MARCHF11: variants seen among roughly 807,000 people sequenced by gnomAD.
MARCHF11 encodes membrane associated ring-CH-type finger 11.
A neutral mutation model predicts 37.3 loss-of-function variants in MARCHF11; 29 were observed. The observed-to-expected ratio is 0.78, with a 90% CI of 0.58 to 1.06. The LOEUF is 1.06. Ranked by LOEUF, MARCHF11 falls within the 50% of genes least tolerant of loss-of-function variation. The pLI, the probability that MARCHF11 is intolerant of heterozygous loss-of-function variation, is 0.00. For missense variants in MARCHF11, 482 were observed against 533.4 expected, an observed-to-expected ratio of 0.90 and a Z score of 0.95; for synonymous variants, 233 against 228.0, an observed-to-expected ratio of 1.02 and a Z score of -0.20.
chr5:16,071,991 G>A (rs892439612), intron 3 of MARCHF11, among the ~76,000 whole-genome samples: 1 of 151,768 alleles, frequency 6.6e-6, no homozygotes, highest in African/African-American at 2.4e-5. Context: ...ACAGAGTCTC[G>A]CTCTGTCACC....
chr5:16,122,189 C>T (rs544035612), intron 2 of MARCHF11, among the ~76,000 whole-genome samples: 1 of 152,270 alleles, frequency 6.6e-6, no homozygotes, highest in South Asian at 2.1e-4. Flanking sequence ...AGAAATTTGA[C>T]AGAAGGAAAC....
intron 2 of MARCHF11, among the ~76,000 whole-genome samples, chr5:16,141,798 A>G (rs1336962119): frequency 6.6e-6 from 1 of 152,212 alleles, no homozygotes; most frequent in Non-Finnish European, 1.5e-5. Context: ...TGAGAACACT[A>G]CATGCTGACC....
At chr5:16,109,865 C>T (rs72738264) in intron 2 of MARCHF11, among the ~76,000 whole-genome samples, 4,305 of 152,248 alleles carry the variant, frequency 0.028, 94 homozygotes, top group East Asian at 0.11. Context: ...CCCCCACATG[C>T]CTAGTGCCAG....
At chr5:16,143,182 T>C (rs1441082664) in intron 2 of MARCHF11, among the ~76,000 whole-genome samples, 1 of 152,156 alleles carries the variant, frequency 6.6e-6, no homozygotes, top group Non-Finnish European at 1.5e-5. Context: ...TTTGAAGCCC[T>C]TGTATGTGAC....
chr5:16,127,198 T>C (rs930600013), intron 2 of MARCHF11, among the ~76,000 whole-genome samples: 7 of 152,180 alleles, frequency 4.6e-5, no homozygotes, highest in African/African-American at 1.7e-4. Context: ...TTATAGTCAT[T>C]GCTGAGTTTC....
intron 3 of MARCHF11, among the ~76,000 whole-genome samples, chr5:16,084,539 A>T (rs1315501464): frequency 6.6e-6 from 1 of 152,052 alleles, no homozygotes; most frequent in Non-Finnish European, 1.5e-5. Flanking sequence ...GCTACTCAGG[A>T]GGCTGAGGAA....
chr5:16,099,159 C>T (rs1307851078), intron 2 of MARCHF11, among the ~76,000 whole-genome samples: 1 of 152,058 alleles, frequency 6.6e-6, no homozygotes, highest in Admixed American at 6.6e-5. Context: ...AATGGGTTTA[C>T]TAATGGAAAT....
At chr5:16,091,131 A>AAT in intron 2 of MARCHF11, 50 bp from the exon 3 acceptor site, 5 of 1,237,080 alleles carry the variant, frequency 4.0e-6, no homozygotes, top group South Asian at 1.6e-5. Context: ...ATAATTAAAA[A>AAT]AGAAAAAAAA....
Position 16,067,431 on chromosome 5 carries a change from A to G in MARCHF11, c.*40T>C. On this transcript the variant is annotated 3_prime_UTR_variant, in exon 4 of 4. Transcript: ENST00000332432. ...CCATTCACTGCAATTACATTGCAAA[A>G]TGTGCAGGGTGGTCCACACTGCATC... The G allele has an allele frequency of 1.3e-6, 2 of 1,559,826 alleles. No homozygotes were observed.
rs137865822 is a variant in MARCHF11, at chr5:16,134,998, T to TCTCTCACACA, written c.693+42727_693+42728insTGTGTGAGAG. On this transcript the variant is annotated intron_variant, in intron 2 of 3. Transcript: ENST00000332432. ...TGATTTCTCTCTCTCTCTCTCTCTC[T>TCTCTCACACA]CACACACACACACACACACACACAC... Among the ~76,000 whole-genome samples the TCTCTCACACA allele has an allele frequency of 7.9e-4, 114 of 143,800 alleles. 1 individual carries two copies. The highest frequency in any genetic ancestry group is 3.6e-3 in the Admixed American group (51 of 14,212). 94.3% of individuals were successfully genotyped at this position (143,800 alleles called of 152,430 possible). A position where few individuals can be genotyped will look rare whatever the true frequency, so the allele number is the denominator to read the frequency against.
intron 2 of MARCHF11, among the ~76,000 whole-genome samples, chr5:16,108,361 G>A (rs149213408): frequency 1.2e-4 from 18 of 152,358 alleles, no homozygotes; most frequent in African/African-American, 1.7e-4. Context: ...CACCCCTGTC[G>A]CATGTCCTGC....
chr5:16,072,550 A>C (rs1486295068), intron 3 of MARCHF11, among the ~76,000 whole-genome samples: 1 of 144,702 alleles, frequency 6.9e-6, no homozygotes. Context: ...GTGTGTGTAC[A>C]TACACCAAGG....
At chr5:16,173,164 A>G (rs930203739) in intron 2 of MARCHF11, among the ~76,000 whole-genome samples, 1 of 152,224 alleles carries the variant, frequency 6.6e-6, no homozygotes, top group African/African-American at 2.4e-5. Flanking sequence ...CTTCCCAAGT[A>G]GGCAAGGCAG....
intron 3 of MARCHF11, among the ~76,000 whole-genome samples, chr5:16,083,307 C>T (rs746588661): frequency 6.6e-6 from 1 of 152,204 alleles, no homozygotes; most frequent in Non-Finnish European, 1.5e-5. Flanking sequence ...TCTACTCAGA[C>T]ATCCCCAAAC....
chr5:16,070,488 C>A (rs539977349), intron 3 of MARCHF11, among the ~76,000 whole-genome samples: 58 of 152,282 alleles, frequency 3.8e-4, no homozygotes, highest in African/African-American at 1.3e-3. Flanking sequence ...TCATTCTGGG[C>A]AAGTCAGTGA....
At chr5:16,093,588 T>A (rs1311376074) in intron 2 of MARCHF11, among the ~76,000 whole-genome samples, 2 of 152,080 alleles carry the variant, frequency 1.3e-5, no homozygotes, top group African/African-American at 4.8e-5. Context: ...TTCTGACACA[T>A]GAGGTGTGGC....
rs921266242 is a variant in MARCHF11 at position 16,135,029 on chromosome 5, T to C, written c.693+42697A>G. Among the ~76,000 whole-genome samples the C allele has an allele frequency of 1.9e-3, 235 of 124,114 alleles. 1 individual carries two copies. Among genetic ancestry groups the C allele is most frequent in the Non-Finnish European group, 2.8e-3 (162 of 57,584 alleles). The allele number at this position is 124,114 out of a possible 152,430, so 81.4% of individuals were successfully genotyped here. A position where few individuals can be genotyped will look rare whatever the true frequency, so the allele number is the denominator to read the frequency against. ...ACACACACACACACACACACACACATGCAAACACGCACACATAGTTTTGAG... is the reference window on the plus strand; with the variant it reads ...ACACACACACACACACACACACACACGCAAACACGCACACATAGTTTTGAG... On this transcript the variant is annotated intron_variant, in intron 2 of 3. Coordinates refer to ENST00000332432, the MANE Select transcript of MARCHF11 (RefSeq NM_001102562.3).
At chr5:16,104,722 T>A (rs1737010043) in intron 2 of MARCHF11, among the ~76,000 whole-genome samples, 1 of 152,196 alleles carries the variant, frequency 6.6e-6, no homozygotes, top group Non-Finnish European at 1.5e-5. Flanking sequence ...GTTTTTGTTT[T>A]GTTTTTCTTT....
intron 2 of MARCHF11, among the ~76,000 whole-genome samples, chr5:16,154,084 G>C (rs541796050): frequency 3.9e-5 from 6 of 152,008 alleles, no homozygotes; most frequent in Non-Finnish European, 7.4e-5. Flanking sequence ...ACCTGATACT[G>C]TTATGAAAGA....
Sources: gnomAD v4.1 joint callset for allele counts (sites outside exome capture counted in the v4.1 genomes callset) on GRCh38, gnomAD v4.1.1 for gene constraint, MANE v1.5 for transcripts, NCBI Gene and HGNC (gene_info 2026-07-23, HGNC 2026-07-21) for gene names.